The following ZNF821 variants were observed in gnomAD, a reference collection of about 807,000 sequenced individuals.
The protein encoded by ZNF821 is zinc finger protein 821.
ZNF821 carries 16 observed loss-of-function variants against 44.3 expected under a neutral mutation model. The observed-to-expected ratio is 0.36, with a 90% CI of 0.24 to 0.55. ZNF821 has a LOEUF of 0.55. Among genes scored for constraint, ZNF821 ranks in the 20% least tolerant of loss-of-function variants. ZNF821 has a pLI of 0.86. For missense variants in ZNF821, 436 were observed against 547.6 expected, an observed-to-expected ratio of 0.80 and a Z score of 2.03; for synonymous variants, 204 against 197.6, an observed-to-expected ratio of 1.03 and a Z score of -0.27.
In ZNF821 at chr16:71,882,746, A is replaced by G. The variant is rs190641600; in HGVS notation, c.-78+465T>C. Among the ~76,000 whole-genome samples, 59 of 152,318 alleles carry G rather than the reference A, an allele frequency of 3.9e-4. 1 individual carries two copies. The East Asian group carries it at 6.4e-3, about 16-fold the overall frequency. ...TGGGGTCATGGGCTGTTGAAAATCAATAAGTAAATAAATAAATGGCGCTGA... is the reference window on the plus strand; with the variant it reads ...TGGGGTCATGGGCTGTTGAAAATCAGTAAGTAAATAAATAAATGGCGCTGA... On this transcript the variant is annotated intron_variant, in intron 2 of 7. Transcript: ENST00000425432.
chr16:71,872,621 GA>G (rs1390405540), intron 3 of ZNF821, among the ~76,000 whole-genome samples: 3 of 151,598 alleles, frequency 2.0e-5, no homozygotes, highest in African/African-American at 7.3e-5. Flanking sequence ...TCAAAAAAAA[GA>G]AAAAAAAGAG....
At chr16:71,875,841 C>T (rs955151416) in intron 3 of ZNF821, among the ~76,000 whole-genome samples, 3 of 152,180 alleles carry the variant, frequency 2.0e-5, no homozygotes, top group African/African-American at 4.8e-5. Context: ...TCAGGTGATC[C>T]GCCCACCTTG....
chr16:71,864,260 G>C lies in ZNF821; in HGVS notation c.313-18C>G. 1 of 1,609,152 alleles carries C rather than the reference G, an allele frequency of 6.2e-7. No homozygotes were observed. On this transcript the variant is annotated intron_variant, in intron 5 of 7. Transcript: ENST00000425432. Reference sequence around the variant, plus strand: ...CCTGTGACCTGTGATTCAACAAATAGGCAACTCATTAGGACTCTTTACTCA... The same window carrying C: ...CCTGTGACCTGTGATTCAACAAATACGCAACTCATTAGGACTCTTTACTCA...
At chr16:71,864,338 G>C in intron 5 of ZNF821, 96 bp from the exon 6 acceptor site, 1 of 962,000 alleles carries the variant, frequency 1.0e-6, no homozygotes, top group Admixed American at 2.0e-5. Context: ...AAGGAACCCA[G>C]ACTGATGGCG....
intron 3 of ZNF821, among the ~76,000 whole-genome samples, chr16:71,876,788 G>C (rs935297324): frequency 2.6e-5 from 4 of 151,716 alleles, no homozygotes; most frequent in Non-Finnish European, 2.9e-5. Context: ...TTGTATTTTT[G>C]GTACAGATGG....
chr16:71,893,276 C>T (rs564827442), intron 1 of ZNF821, among the ~76,000 whole-genome samples: 2 of 152,070 alleles, frequency 1.3e-5, no homozygotes, highest in African/African-American at 4.8e-5. Flanking sequence ...ATCCTCCCGC[C>T]TCGGCCTCCC....
At chr16:71,882,132 T>A (rs1489819757) in intron 2 of ZNF821, 2 of 151,660 alleles carry the variant, frequency 1.3e-5, no homozygotes, top group Non-Finnish European at 2.9e-5. Context: ...TAGCTGGGCG[T>A]GGTGATGCAT....
chr16:71,865,970 T>C (rs551583885), intron 4 of ZNF821, among the ~76,000 whole-genome samples: 2 of 152,144 alleles, frequency 1.3e-5, no homozygotes, highest in African/African-American at 2.4e-5. Flanking sequence ...AAATAGAAAA[T>C]GAAAACAGAT....
chr16:71,877,493 C>T (rs1170980304), intron 3 of ZNF821, among the ~76,000 whole-genome samples: 2 of 152,102 alleles, frequency 1.3e-5, no homozygotes, highest in African/African-American at 2.4e-5. Flanking sequence ...CTCTTGGGCT[C>T]ATGCAATCCT....
At position 71,860,850 on chromosome 16, in the gene ZNF821, T is replaced by C. The variant is rs2033777178; in HGVS notation, c.585-178A>G. Among the ~76,000 whole-genome samples the C allele has an allele frequency of 7.6e-6, 1 of 131,554 alleles. No homozygotes were observed. The highest frequency in any genetic ancestry group is 9.4e-5 in the Admixed American group (1 of 10,644). The allele number at this position is 131,554 out of a possible 152,430, so 86.3% of individuals were successfully genotyped here. Reference sequence around the variant, plus strand: ...CCCTTCTCTTCGCGTGAGAGTTGTCTACCAACTTTTTTTTTTTTTTTTTGA... The same window carrying C: ...CCCTTCTCTTCGCGTGAGAGTTGTCCACCAACTTTTTTTTTTTTTTTTTGA... On this transcript the variant is annotated intron_variant, in intron 7 of 7. Coordinates refer to ENST00000425432, the MANE Select transcript of ZNF821 (RefSeq NM_001201552.2). This position sits in a 1 kb window ranked among gnomAD's most constrained non-coding sequence, Gnocchi z 7.3.
rs190988083 is a variant in ZNF821, at chr16:71,881,401, A to G, written c.-77-1378T>C. 5 of 152,300 alleles carry G rather than the reference A, an allele frequency of 3.3e-5. No individual in the cohort carries two copies. In the East Asian group the frequency reaches 7.7e-4, roughly 23 times the overall value. 9.4% of individuals were successfully genotyped at this position (152,300 alleles called of 1,614,324 possible). ...AGCAGCTTTCAGGCAGTCTTCTAGC[A>G]TATCTGCATATCAAACACAGTTCTT... is the stretch of plus-strand genomic sequence containing the variant. On this transcript the variant is annotated intron_variant, in intron 2 of 7. Transcript: ENST00000425432.
At chr16:71,893,564 A>C (rs2036905848) in intron 1 of ZNF821, among the ~76,000 whole-genome samples, 1 of 151,368 alleles carries the variant, frequency 6.6e-6, no homozygotes, top group Non-Finnish European at 1.5e-5. Flanking sequence ...GGTTCAAGCG[A>C]TTCTCCTGCC....
At chr16:71,871,479 C>T (rs955540885) in intron 3 of ZNF821, among the ~76,000 whole-genome samples, 1 of 152,038 alleles carries the variant, frequency 6.6e-6, no homozygotes, top group Admixed American at 6.6e-5. Flanking sequence ...CAGAATTATC[C>T]CTTCATAAGA....
At chr16:71,867,686 C>CA (rs879563055) in intron 4 of ZNF821, among the ~76,000 whole-genome samples, 6,257 of 140,048 alleles carry the variant, frequency 0.045, 388 homozygotes, top group African/African-American at 0.14. Context: ...AACTCTGTCA[C>CA]AAAAAAAAAA....
At chr16:71,883,677 C>G (rs1352027590) in intron 1 of ZNF821, 1 of 152,316 alleles carries the variant, frequency 6.6e-6, no homozygotes, top group East Asian at 1.9e-4. Flanking sequence ...CCCCCCGGCC[C>G]CGCACCCCGC....
intron 4 of ZNF821, among the ~76,000 whole-genome samples, chr16:71,866,536 A>G (rs2034564468): frequency 6.6e-6 from 1 of 152,212 alleles, no homozygotes; most frequent in Non-Finnish European, 1.5e-5. Context: ...AATACTTGTA[A>G]ACTTTATATA....
intron 3 of ZNF821, among the ~76,000 whole-genome samples, chr16:71,877,954 A>T (rs903992121): frequency 8.8e-5 from 13 of 147,184 alleles, no homozygotes; most frequent in Admixed American, 4.1e-4. Context: ...AAAAAAATAA[A>T]ATATATATAA....
chr16:71,887,376 C>G (rs939962556), upstream of ZNF821, among the ~76,000 whole-genome samples: 3 of 151,256 alleles, frequency 2.0e-5, no homozygotes, highest in Non-Finnish European at 4.4e-5. Context: ...TCTCCTGCCT[C>G]AGCCTCCCAA....
Position 71,867,974 on chromosome 16 carries a change from G to A in ZNF821, c.104C>T (p.Pro35Leu), listed in dbSNP as rs1348312707. 5 of 1,536,008 alleles carry A rather than the reference G, an allele frequency of 3.3e-6. No individual in the cohort carries two copies. Among genetic ancestry groups the A allele is most frequent in the Admixed American group, 3.9e-5 (2 of 50,992 alleles). The change falls in exon 4 of 8, where the codon CCT becomes CTT. Residue 35 changes from proline to leucine, a missense_variant. Physicochemically the swap from Pro to Leu is moderately conservative, Grantham distance 98. Transcript: ENST00000425432. ...ARQAMMKTDF[P>L]GDLGSQRQAI... ...TTGTCGCTGACTGCCAAGGTCTCCA[G>A]GAAAATCAGTTTTCATCATCGCCTG...
Sources: gnomAD v4.1 joint callset for allele counts (sites outside exome capture counted in the v4.1 genomes callset) on GRCh38, gnomAD v4.1.1 for gene constraint, Gnocchi (gnomAD v3.1) non-coding constraint, MANE v1.5 for transcripts, NCBI Gene and HGNC (gene_info 2026-07-23, HGNC 2026-07-21) for gene names.